ELP4: variants seen among roughly 807,000 people sequenced by gnomAD.
ELP4 encodes the protein elongator complex protein 4.
ELP4 carries 51 observed loss-of-function variants against 48.9 expected under a neutral mutation model. That is an observed-to-expected ratio of 1.04 (90% CI 0.83 to 1.32). ELP4 has a LOEUF of 1.32. Among genes scored for constraint, ELP4 ranks in the 40% most tolerant of loss-of-function variants. The pLI, the probability that ELP4 is intolerant of heterozygous loss-of-function variation, is 0.00. For missense variants in ELP4, 519 were observed against 514.6 expected, an observed-to-expected ratio of 1.01 and a Z score of -0.08; for synonymous variants, 210 against 189.2, an observed-to-expected ratio of 1.11 and a Z score of -0.90.
chr11:31,535,684 C>T (rs917894469), intron 2 of ELP4, among the ~76,000 whole-genome samples: 6 of 152,170 alleles, frequency 3.9e-5, no homozygotes, highest in Non-Finnish European at 7.3e-5. Flanking sequence ...ACTGTATATA[C>T]TCATGCAGCC....
chr11:31,681,808 C>T (rs982718968), intron 9 of ELP4: 1 of 204,938 alleles, frequency 4.9e-6, no homozygotes, highest in Non-Finnish European at 1.0e-5. Flanking sequence ...GTGGCACGAT[C>T]TCGGCTCACG....
intron 4 of ELP4, 51 bp downstream of exon 4, chr11:31,594,952 A>G (rs768063062): frequency 4.1e-6 from 6 of 1,472,818 alleles, no homozygotes; most frequent in Admixed American, 5.1e-5. Flanking sequence ...ATTTGTTTTC[A>G]TCTTACAGAA....
intron 9 of ELP4, among the ~76,000 whole-genome samples, chr11:31,748,004 G>A (rs959358015): frequency 1.3e-5 from 2 of 152,106 alleles, no homozygotes; most frequent in South Asian, 2.1e-4. Flanking sequence ...ATTATGTTTG[G>A]ACTATGTCCA....
intron 2 of ELP4, among the ~76,000 whole-genome samples, chr11:31,525,755 A>G (rs908294628): frequency 4.6e-5 from 7 of 152,130 alleles, no homozygotes; most frequent in Admixed American, 6.6e-5. Context: ...TAGGCTGTAT[A>G]CCTGTAATCC....
intron 3 of ELP4, among the ~76,000 whole-genome samples, chr11:31,546,727 A>C (rs1348647054): frequency 1.3e-5 from 2 of 151,950 alleles, no homozygotes; most frequent in Non-Finnish European, 2.9e-5. Flanking sequence ...TTGACCACAT[A>C]GTTGGAAGTA....
intron 9 of ELP4, among the ~76,000 whole-genome samples, chr11:31,718,599 T>C (rs1946889412): frequency 6.6e-6 from 1 of 152,184 alleles, no homozygotes; most frequent in African/African-American, 2.4e-5. Context: ...CTGACCTATG[T>C]AATGGTTGAT....
intron 3 of ELP4, among the ~76,000 whole-genome samples, chr11:31,586,101 T>G (rs769241393): frequency 9.2e-5 from 14 of 152,230 alleles, no homozygotes; most frequent in Non-Finnish European, 1.9e-4. Flanking sequence ...TAGTGGCTAC[T>G]GTATTGGACA....
chr11:31,589,363 A>G (rs888163161), intron 3 of ELP4, among the ~76,000 whole-genome samples: 1 of 152,202 alleles, frequency 6.6e-6, no homozygotes, highest in African/African-American at 2.4e-5. Context: ...ATCAAGCTGC[A>G]TATGATCCAG....
chr11:31,532,964 G>T (rs1956423014), intron 2 of ELP4, among the ~76,000 whole-genome samples: 1 of 151,366 alleles, frequency 6.6e-6, no homozygotes, highest in African/African-American at 2.4e-5. Flanking sequence ...GTAGAGACAG[G>T]GTTTCATCAT....
At chr11:31,529,200 C>G (rs963073252) in intron 2 of ELP4, among the ~76,000 whole-genome samples, 1 of 151,744 alleles carries the variant, frequency 6.6e-6, no homozygotes, top group Non-Finnish European at 1.5e-5. Context: ...AGTTAGTGCT[C>G]AATAATATTA....
At chr11:31,636,744 T>A (rs1944986768) in intron 7 of ELP4, among the ~76,000 whole-genome samples, 1 of 151,988 alleles carries the variant, frequency 6.6e-6, no homozygotes, top group South Asian at 2.1e-4. Context: ...AACTTGAAAT[T>A]TCTTATTTCC....
chr11:31,577,644 G>A (rs1258817746), intron 3 of ELP4, among the ~76,000 whole-genome samples: 3 of 151,866 alleles, frequency 2.0e-5, no homozygotes, highest in African/African-American at 4.8e-5. Flanking sequence ...TTCAACATAC[G>A]CGAATCAATA....
intron 9 of ELP4, among the ~76,000 whole-genome samples, chr11:31,701,747 C>G (rs1049142571): frequency 2.0e-5 from 3 of 150,156 alleles, no homozygotes; most frequent in Admixed American, 2.0e-4. Context: ...ATATTTTAAT[C>G]TATTTTTCCA....
At chr11:31,698,486 C>T (rs1946457127) in intron 9 of ELP4, among the ~76,000 whole-genome samples, 1 of 152,060 alleles carries the variant, frequency 6.6e-6, no homozygotes, top group Non-Finnish European at 1.5e-5. Context: ...GATCTCTACT[C>T]ACTGCAACCT....
rs1360822209 is a variant in ELP4 at position 31,786,741 on chromosome 11, A to G, written c.*3217A>G. 2 of 223,750 alleles carry G rather than the reference A, an allele frequency of 8.9e-6. No individual in the cohort carries two copies. Among genetic ancestry groups the G allele is most frequent in the African/African-American group, 2.2e-5 (1 of 44,818 alleles). 13.9% of individuals were successfully genotyped at this position (223,750 alleles called of 1,614,324 possible). On this transcript the variant is annotated 3_prime_UTR_variant, in exon 10 of 10. Coordinates refer to ENST00000640961, the MANE Select transcript of ELP4 (RefSeq NM_019040.5). ...CAAGAAACCAGTTGTTCACCATTTA[A>G]GGGTTAGGAGGCATAGCTTTGGGGG...
chr11:31,676,842 C>G (rs1945936094), intron 9 of ELP4, among the ~76,000 whole-genome samples: 1 of 152,142 alleles, frequency 6.6e-6, no homozygotes, highest in South Asian at 2.1e-4. Flanking sequence ...GCCAAGCCCT[C>G]TTTGTAGCTT....
chr11:31,549,923 G>A (rs1592107712), intron 3 of ELP4, among the ~76,000 whole-genome samples: 1 of 152,188 alleles, frequency 6.6e-6, no homozygotes, highest in African/African-American at 2.4e-5. Context: ...ACTCATAGGT[G>A]GGAATTGAAC....
intron 3 of ELP4, among the ~76,000 whole-genome samples, chr11:31,579,377 C>T (rs1372103344): frequency 6.6e-6 from 1 of 152,124 alleles, no homozygotes; most frequent in Non-Finnish European, 1.5e-5. Context: ...GACAGTGTGG[C>T]GATTCCTCAA....
chr11:31,527,286 C>G (rs2133888095), intron 2 of ELP4, among the ~76,000 whole-genome samples: 1 of 152,120 alleles, frequency 6.6e-6, no homozygotes, highest in South Asian at 2.1e-4. Context: ...AGGTCTCAGT[C>G]CCTGCCATAA....
Sources: allele counts gnomAD v4.1 joint callset (sites outside exome capture counted in the v4.1 genomes callset), GRCh38; gene constraint gnomAD v4.1.1; transcripts MANE v1.5; gene names NCBI Gene and HGNC (gene_info 2026-07-23, HGNC 2026-07-21).